The following ESRRG variants were observed in gnomAD, a reference collection of about 807,000 sequenced individuals.
The protein encoded by ESRRG is estrogen-related receptor gamma.
ESRRG carries 13 observed loss-of-function variants against 44.0 expected under a neutral mutation model. The observed-to-expected ratio is 0.30, with a 90% CI of 0.19 to 0.47. ESRRG has a LOEUF of 0.47. ESRRG is among the 20% of genes least tolerant of loss of function. ESRRG has a pLI of 1.00. For synonymous variants in ESRRG, 215 were observed against 214.6 expected (o/e 1.00, Z -0.02); for missense variants, 395 against 580.6 (o/e 0.68, Z 3.29).
chr1:216,630,211 C>T (rs1051920573), intron 3 of ESRRG, among the ~76,000 whole-genome samples: 7 of 152,080 alleles, frequency 4.6e-5, no homozygotes, highest in African/African-American at 1.2e-4. Context: ...TATGAATTTT[C>T]GTTTGTTACT....
intron 1 of ESRRG, among the ~76,000 whole-genome samples, chr1:216,691,107 T>C (rs2078976430): frequency 6.6e-6 from 1 of 152,186 alleles, no homozygotes; most frequent in Non-Finnish European, 1.5e-5. Context: ...AATGTGTCAG[T>C]GTAAGCCAGT....
At chr1:216,878,222 C>T (rs1223307425) in intron 2 of ESRRG, among the ~76,000 whole-genome samples, 3 of 152,184 alleles carry the variant, frequency 2.0e-5, no homozygotes, top group Admixed American at 1.3e-4. Context: ...GATTCCTCTT[C>T]TGTAAACTGC....
At chr1:216,795,585 C>T (rs1320592044) in intron 2 of ESRRG, among the ~76,000 whole-genome samples, 3 of 152,002 alleles carry the variant, frequency 2.0e-5, no homozygotes, top group Non-Finnish European at 2.9e-5. Flanking sequence ...AAGTGATCCA[C>T]CCGCCTCGGC....
chr1:216,635,325 C>T (rs1030694680), intron 3 of ESRRG, among the ~76,000 whole-genome samples: 6 of 152,182 alleles, frequency 3.9e-5, no homozygotes, highest in African/African-American at 1.4e-4. Flanking sequence ...AAAGAGCTCA[C>T]AGGTTCTAAG....
chr1:216,827,665 T>C (rs1157893568), intron 2 of ESRRG, among the ~76,000 whole-genome samples: 1 of 152,186 alleles, frequency 6.6e-6, no homozygotes, highest in Non-Finnish European at 1.5e-5. Context: ...ATCTCACGAA[T>C]TGGTCAAATG....
At chr1:216,920,635 AT>A (rs1329307001) in intron 2 of ESRRG, among the ~76,000 whole-genome samples, 1 of 152,216 alleles carries the variant, frequency 6.6e-6, no homozygotes, top group African/African-American at 2.4e-5. Context: ...TGGAAAATAC[AT>A]TCCCGAGACA....
In ESRRG at chr1:217,126,830, A is replaced by G. The variant is rs1237149605; in HGVS notation, c.-230+10837T>C. On this transcript the variant is annotated intron_variant, in intron 1 of 8. Transcript: ENST00000366940. Reference sequence around the variant, plus strand: ...TTCAAGAGACCTTTCTGGAGCCCACAGTACTCAGGCTAATTGCTATGAACA... The same window carrying G: ...TTCAAGAGACCTTTCTGGAGCCCACGGTACTCAGGCTAATTGCTATGAACA... Among the ~76,000 whole-genome samples the G allele has an allele frequency of 2.0e-5, 3 of 152,200 alleles. No homozygotes were observed. In the East Asian group the frequency reaches 5.8e-4, roughly 29 times the overall value.
At chr1:216,954,506 T>G (rs913042844) in intron 1 of ESRRG, among the ~76,000 whole-genome samples, 5 of 152,076 alleles carry the variant, frequency 3.3e-5, no homozygotes, top group African/African-American at 1.2e-4. Context: ...AAGAGCAGAG[T>G]GCATTATGCA....
intron 2 of ESRRG, among the ~76,000 whole-genome samples, chr1:216,818,594 T>TC (rs2095214424): frequency 6.6e-6 from 1 of 151,820 alleles, no homozygotes; most frequent in South Asian, 2.1e-4. Context: ...GCTGTGGGTT[T>TC]CTTTTTTTTT....
chr1:216,523,506 T>G (rs1029268327), intron 5 of ESRRG, among the ~76,000 whole-genome samples: 1 of 112,354 alleles, frequency 8.9e-6, no homozygotes, highest in African/African-American at 4.4e-5. Context: ...TTTTTTGTTT[T>G]TTTTTTTTTT....
chr1:216,983,031 G>GTTTTTTTTT (rs9308379), intron 1 of ESRRG, among the ~76,000 whole-genome samples: 1 of 133,030 alleles, frequency 7.5e-6, no homozygotes, highest in Non-Finnish European at 1.6e-5. Flanking sequence ...ACTTTGAACT[G>GTTTTTTTTT]TTTTTTTTTT....
intron 2 of ESRRG, among the ~76,000 whole-genome samples, chr1:216,926,071 T>C (rs12091515): frequency 1.4e-3 from 215 of 152,256 alleles, no homozygotes; most frequent in African/African-American, 4.9e-3. Context: ...AGCCCTGAAA[T>C]CTGGTACAGA....
At chr1:216,803,767 C>G (rs1171715048) in intron 2 of ESRRG, among the ~76,000 whole-genome samples, 2 of 151,806 alleles carry the variant, frequency 1.3e-5, no homozygotes, top group Non-Finnish European at 2.9e-5. Context: ...TACTTTATGT[C>G]TTTTTTTTAC....
intron 2 of ESRRG, among the ~76,000 whole-genome samples, chr1:216,908,258 G>A (rs2059907167): frequency 1.3e-5 from 2 of 152,298 alleles, no homozygotes; most frequent in South Asian, 4.1e-4. Context: ...GCTTTCCTGA[G>A]GGAAGCTATC....
intron 2 of ESRRG, among the ~76,000 whole-genome samples, chr1:216,735,614 A>G (rs2089722539): frequency 6.6e-6 from 1 of 152,162 alleles, no homozygotes; most frequent in Admixed American, 6.5e-5. Context: ...CTAGTTTTCA[A>G]TCTTTAACAT....
At chr1:217,043,719 T>TA (rs973030593) in intron 1 of ESRRG, among the ~76,000 whole-genome samples, 17 of 151,862 alleles carry the variant, frequency 1.1e-4, no homozygotes, top group African/African-American at 2.4e-4. Context: ...GTCATATTAC[T>TA]AAAAAAAAGT....
chr1:216,797,526 A>G (rs4341422), intron 2 of ESRRG, among the ~76,000 whole-genome samples: 86,372 of 151,434 alleles, frequency 0.57, 25,999 homozygotes, highest in African/African-American at 0.78. Context: ...AATTCCTATT[A>G]GGAAAACACA....
chr1:216,560,737 T>G (rs866139053), intron 5 of ESRRG, among the ~76,000 whole-genome samples: 1 of 152,046 alleles, frequency 6.6e-6, no homozygotes, highest in African/African-American at 2.4e-5. Context: ...TGAAGTGGAG[T>G]GTGCAGTACC....
chr1:216,861,268 T>G (rs2096050234), intron 2 of ESRRG, among the ~76,000 whole-genome samples: 1 of 151,808 alleles, frequency 6.6e-6, no homozygotes, highest in Non-Finnish European at 1.5e-5. Flanking sequence ...TAAATAAAAG[T>G]GGTTTAAATA....
Sources: allele counts gnomAD v4.1 joint callset (sites outside exome capture counted in the v4.1 genomes callset), GRCh38; gene constraint gnomAD v4.1.1; transcripts MANE v1.5; gene names NCBI Gene and HGNC (gene_info 2026-07-23, HGNC 2026-07-21).